Variants in ST3GAL6 observed in about 807,000 individuals in gnomAD.
ST3GAL6 encodes type 2 lactosamine alpha-2,3-sialyltransferase.
A neutral mutation model predicts 40.5 loss-of-function variants in ST3GAL6; 31 were observed. That is an observed-to-expected ratio of 0.77 (90% CI 0.58 to 1.03). The LOEUF is 1.03. Ranked by LOEUF, ST3GAL6 falls within the 50% of genes least tolerant of loss-of-function variation. ST3GAL6 has a pLI of 0.00. For synonymous variants in ST3GAL6, 129 were observed against 136.9 expected (o/e 0.94, Z 0.40); for missense variants, 357 against 393.2 (o/e 0.91, Z 0.78).
chr3:98,740,076 A>G (rs1298356581), intron 1 of ST3GAL6, among the ~76,000 whole-genome samples: 1 of 152,210 alleles, frequency 6.6e-6, no homozygotes, highest in Non-Finnish European at 1.5e-5. Flanking sequence ...TTTATCCCAG[A>G]TATGCTACAA....
intron 7 of ST3GAL6, 32 bp downstream of exon 7, chr3:98,788,254 T>C (rs1228610949): frequency 6.3e-7 from 1 of 1,597,554 alleles, no homozygotes; most frequent in Non-Finnish European, 8.5e-7. Context: ...GCCTTCAGAT[T>C]ACCTTTAGTG....
chr3:98,756,315 T>C lies in ST3GAL6; in HGVS notation c.-11-12115T>C, dbSNP rs541646143. 18 of 1,273,310 alleles carry C rather than the reference T, an allele frequency of 1.4e-5. No homozygotes were observed. The East Asian group carries it at 9.5e-4, about 67-fold the overall frequency. The allele number at this position is 1,273,310 out of a possible 1,614,324, so 78.9% of individuals were successfully genotyped here. On this transcript the variant is annotated intron_variant, in intron 1 of 9. Coordinates refer to the ST3GAL6 transcript ENST00000265261. ...AGTTTTAAAAATGACTTTACATTTT[T>C]CTGGGGCAGCTGAACCATTCTTAGA...
intron 1 of ST3GAL6, among the ~76,000 whole-genome samples, chr3:98,744,504 G>C (rs895692056): frequency 6.6e-6 from 1 of 152,070 alleles, no homozygotes; most frequent in Non-Finnish European, 1.5e-5. Flanking sequence ...TGTGCCCTGG[G>C]GGCAGACAAG....
At chr3:98,765,200 A>G (rs920841317) in intron 1 of ST3GAL6, among the ~76,000 whole-genome samples, 3 of 152,030 alleles carry the variant, frequency 2.0e-5, no homozygotes, top group African/African-American at 7.3e-5. Context: ...TCTAGACTTC[A>G]AGATACCAAT....
chr3:98,785,376 T>C (rs1267890478), intron 6 of ST3GAL6, among the ~76,000 whole-genome samples: 2 of 152,138 alleles, frequency 1.3e-5, no homozygotes, highest in African/African-American at 4.8e-5. Flanking sequence ...TTAAAAAGGA[T>C]ATAACAGAGA....
At chr3:98,787,921 C>A (rs1940878294) in intron 6 of ST3GAL6, 115 bp from the exon 7 acceptor site, 1 of 835,166 alleles carries the variant, frequency 1.2e-6, no homozygotes, top group East Asian at 2.7e-5. Context: ...TTTGTGGCTT[C>A]AGAGCACAGG....
chr3:98,784,637 C>A, intron 5 of ST3GAL6: 1 of 248,750 alleles, frequency 4.0e-6, no homozygotes, highest in Non-Finnish European at 7.8e-6. Context: ...ATTTCTGAAC[C>A]TCTTTCTTCA....
chr3:98,789,447 T>C (rs1443120007), intron 8 of ST3GAL6, among the ~76,000 whole-genome samples: 2 of 152,208 alleles, frequency 1.3e-5, no homozygotes, highest in East Asian at 1.9e-4. Flanking sequence ...CATAATCTTT[T>C]TGTTTGTTCA....
chr3:98,788,283 C>T, intron 7 of ST3GAL6, 43 bp from the exon 8 acceptor site: 2 of 1,586,484 alleles, frequency 1.3e-6, no homozygotes, highest in South Asian at 1.2e-5. Context: ...CCTTAAAAAA[C>T]AGACAGCCAC....
chr3:98,743,733 T>C (rs1936315038), intron 1 of ST3GAL6, among the ~76,000 whole-genome samples: 1 of 152,194 alleles, frequency 6.6e-6, no homozygotes. Context: ...ACTACTCACA[T>C]GTAACCACTA....
chr3:98,733,439 C>T, intron 1 of ST3GAL6: 1 of 997,228 alleles, frequency 1.0e-6, no homozygotes, highest in Non-Finnish European at 1.2e-6. Flanking sequence ...CTATTGTTTT[C>T]TTGTAAAAGG....
chr3:98,770,767 T>C (rs1268227467), intron 2 of ST3GAL6, 112 bp from the exon 3 acceptor site: 12 of 868,618 alleles, frequency 1.4e-5, no homozygotes, highest in Non-Finnish European at 1.9e-5. Flanking sequence ...TATTTTTGTT[T>C]GCTGCCACAG....
chr3:98,771,963 A>G (rs1166673416), intron 3 of ST3GAL6, among the ~76,000 whole-genome samples: 1 of 152,162 alleles, frequency 6.6e-6, no homozygotes, highest in Non-Finnish European at 1.5e-5. Flanking sequence ...GTTCTGTTCC[A>G]TTCACTTTTT....
At chr3:98,751,551 A>G (rs1049095228) in intron 1 of ST3GAL6, among the ~76,000 whole-genome samples, 1 of 152,230 alleles carries the variant, frequency 6.6e-6, no homozygotes, top group African/African-American at 2.4e-5. Flanking sequence ...TGAAACATTT[A>G]TGTACTTAAA....
chr3:98,775,646 T>C (rs1939478096), intron 5 of ST3GAL6, among the ~76,000 whole-genome samples: 1 of 152,200 alleles, frequency 6.6e-6, no homozygotes, highest in South Asian at 2.1e-4. Context: ...CTTTATTTAG[T>C]TGCTTTCATA....
chr3:98,785,180 GTTGGC>G, intron 6 of ST3GAL6, 140 bp downstream of exon 6: 1 of 596,132 alleles, frequency 1.7e-6, no homozygotes, highest in Non-Finnish European at 2.9e-6. Flanking sequence ...TCTCTTGGTT[GTTGGC>G]TAGAGTTAGA....
intron 1 of ST3GAL6, among the ~76,000 whole-genome samples, chr3:98,752,959 C>A (rs1180081302): frequency 5.9e-5 from 9 of 152,118 alleles, no homozygotes; most frequent in Admixed American, 5.9e-4. Flanking sequence ...TGAAATTAGT[C>A]CAATTAATAA....
intron 1 of ST3GAL6, among the ~76,000 whole-genome samples, chr3:98,754,937 T>C (rs1576056149): frequency 6.6e-6 from 1 of 152,242 alleles, no homozygotes; most frequent in Non-Finnish European, 1.5e-5. Flanking sequence ...CTTACATCCA[T>C]TGGGAAACTG....
intron 1 of ST3GAL6, among the ~76,000 whole-genome samples, chr3:98,743,335 T>A (rs983258242): frequency 2.6e-5 from 4 of 152,040 alleles, no homozygotes; most frequent in East Asian, 1.9e-4. Context: ...TTTTTTTTTT[T>A]ATTTAAATGA....
Sources: gnomAD v4.1 joint callset for allele counts (sites outside exome capture counted in the v4.1 genomes callset) on GRCh38, gnomAD v4.1.1 for gene constraint, MANE v1.5 for transcripts, NCBI Gene and HGNC (gene_info 2026-07-23, HGNC 2026-07-21) for gene names.